KCNH7: variants seen among roughly 807,000 people sequenced by gnomAD.
The protein encoded by KCNH7 is voltage-gated inwardly rectifying potassium channel KCNH7.
A neutral mutation model predicts 120.8 loss-of-function variants in KCNH7; 49 were observed. That is an observed-to-expected ratio of 0.41 (90% CI 0.32 to 0.51). The LOEUF is 0.51. KCNH7 is among the 20% of genes least tolerant of loss of function. The pLI, the probability that KCNH7 is intolerant of heterozygous loss-of-function variation, is 0.38. For missense variants in KCNH7, 1,097 were observed against 1,446.6 expected (o/e 0.76, Z 3.92); for synonymous variants, 547 against 516.1 (o/e 1.06, Z -0.81).
rs977239678 is a variant in KCNH7, at chr2:162,829,913, A to G, written c.307+6624T>C. On this transcript the variant is annotated intron_variant, in intron 2 of 15. Transcript: ENST00000332142. Reference sequence around the variant, plus strand: ...TCTTCTCTTCATTCTTTAAGTAAATACTAACAGTGCACTCACTTCGTACTA... The same window carrying G: ...TCTTCTCTTCATTCTTTAAGTAAATGCTAACAGTGCACTCACTTCGTACTA... Among the ~76,000 whole-genome samples the G allele has an allele frequency of 8.0e-5, 12 of 150,112 alleles. 1 individual carries two copies. Among genetic ancestry groups the G allele is most frequent in the Admixed American group, 6.7e-4 (10 of 15,002 alleles).
At chr2:162,507,701 A>C (rs931108022) in intron 5 of KCNH7, among the ~76,000 whole-genome samples, 1 of 151,612 alleles carries the variant, frequency 6.6e-6, no homozygotes, top group Non-Finnish European at 1.5e-5. Context: ...TCATTTTGAC[A>C]CTACTATTAA....
intron 2 of KCNH7, among the ~76,000 whole-genome samples, chr2:162,667,022 T>G (rs895933077): frequency 8.3e-6 from 1 of 120,846 alleles, no homozygotes; most frequent in Non-Finnish European, 1.5e-5. Flanking sequence ...CTTTTTCTTT[T>G]TTTTTTTTTT....
At chr2:162,387,761 T>C (rs1016700096) in intron 12 of KCNH7, among the ~76,000 whole-genome samples, 1 of 151,790 alleles carries the variant, frequency 6.6e-6, no homozygotes, top group African/African-American at 2.4e-5. Flanking sequence ...GTTTAGAATG[T>C]ATTCAAGAGC....
At chr2:162,556,701 C>T (rs1310336915) in intron 2 of KCNH7, among the ~76,000 whole-genome samples, 1 of 152,154 alleles carries the variant, frequency 6.6e-6, no homozygotes, top group African/African-American at 2.4e-5. Context: ...AAAATCCTCA[C>T]ACAAATAGGT....
At chr2:162,586,907 C>T (rs373189448) in intron 2 of KCNH7, among the ~76,000 whole-genome samples, 18 of 152,082 alleles carry the variant, frequency 1.2e-4, no homozygotes, top group African/African-American at 4.1e-4. Flanking sequence ...CTTCTATCAT[C>T]GTCATGACCA....
At chr2:162,755,938 T>G (rs7584472) in intron 2 of KCNH7, among the ~76,000 whole-genome samples, 7,682 of 152,124 alleles carry the variant, frequency 0.05, 369 homozygotes, top group African/African-American at 0.13. Flanking sequence ...GTGGTTGAAT[T>G]AGGTATATTA....
intron 2 of KCNH7, among the ~76,000 whole-genome samples, chr2:162,587,273 A>G (rs747659675): frequency 6.6e-6 from 1 of 152,098 alleles, no homozygotes; most frequent in Non-Finnish European, 1.5e-5. Context: ...TTCAGATATT[A>G]TTTTTCTGGG....
chr2:162,422,711 TA>T (rs1378192842), intron 9 of KCNH7, among the ~76,000 whole-genome samples: 2 of 152,030 alleles, frequency 1.3e-5, no homozygotes, highest in African/African-American at 4.8e-5. Context: ...TGAATTTGCT[TA>T]AAAGTTGAAG....
chr2:162,505,105 C>T (rs1001648953), intron 5 of KCNH7, among the ~76,000 whole-genome samples: 4 of 151,816 alleles, frequency 2.6e-5, no homozygotes, highest in African/African-American at 9.7e-5. Context: ...TGTGTTACTC[C>T]CCTGTCTGTG....
intron 2 of KCNH7, among the ~76,000 whole-genome samples, chr2:162,634,340 G>A (rs987297041): frequency 6.6e-6 from 1 of 151,990 alleles, no homozygotes; most frequent in African/African-American, 2.4e-5. Context: ...GCAGGTCCTG[G>A]TAGAAGGGCA....
At chr2:162,385,511 A>G (rs1686546699) in intron 12 of KCNH7, among the ~76,000 whole-genome samples, 1 of 151,930 alleles carries the variant, frequency 6.6e-6, no homozygotes, top group South Asian at 2.1e-4. Context: ...TAAAGCTTAA[A>G]TACAGTAATT....
At chr2:162,410,533 A>G (rs1202982955) in intron 9 of KCNH7, among the ~76,000 whole-genome samples, 1 of 151,572 alleles carries the variant, frequency 6.6e-6, no homozygotes, top group Non-Finnish European at 1.5e-5. Flanking sequence ...CACCTCTTCA[A>G]CCTTGGCAAA....
intron 2 of KCNH7, among the ~76,000 whole-genome samples, chr2:162,811,039 C>T (rs1684715977): frequency 6.6e-6 from 1 of 151,928 alleles, no homozygotes; most frequent in Admixed American, 6.6e-5. Flanking sequence ...ACATAATGAG[C>T]CTTGAGATTT....
chr2:162,750,328 T>C (rs1226632755), intron 2 of KCNH7, among the ~76,000 whole-genome samples: 1 of 141,390 alleles, frequency 7.1e-6, no homozygotes, highest in Non-Finnish European at 1.5e-5. Flanking sequence ...AAGAAAAAAA[T>C]CATGGGAGCA....
At chr2:162,694,477 AGTGTGTGT>A (rs71009366) in intron 2 of KCNH7, among the ~76,000 whole-genome samples, 1 of 146,302 alleles carries the variant, frequency 6.8e-6, no homozygotes, top group African/African-American at 2.5e-5. Flanking sequence ...TGTGTGAAAG[AGTGTGTGT>A]GTGTGTGTGT....
At chr2:162,778,575 C>T (rs1380698498) in intron 2 of KCNH7, among the ~76,000 whole-genome samples, 1 of 152,134 alleles carries the variant, frequency 6.6e-6, no homozygotes, top group Non-Finnish European at 1.5e-5. Context: ...GAACCTGGCA[C>T]ACGGTAGATA....
intron 2 of KCNH7, among the ~76,000 whole-genome samples, chr2:162,716,049 C>T (rs1687111211): frequency 6.6e-6 from 1 of 151,388 alleles, no homozygotes; most frequent in Non-Finnish European, 1.5e-5. Flanking sequence ...TTTTATTATT[C>T]CTTACTTTTC....
intron 3 of KCNH7, among the ~76,000 whole-genome samples, chr2:162,522,867 A>T (rs976932696): frequency 8.6e-5 from 13 of 151,850 alleles, no homozygotes; most frequent in African/African-American, 2.9e-4. Flanking sequence ...GTTATAATTA[A>T]CTACTACTAT....
In KCNH7 at chr2:162,535,100, C is replaced by T. The variant is rs536911816; in HGVS notation, c.463+1825G>A. The stretch of plus-strand genomic sequence containing the variant: ...GAAACTTTCTTAGAATAATAAAGCA[C>T]ATACAACTCAACTCACATGTCATTA... On this transcript the variant is annotated intron_variant, in intron 3 of 15. Coordinates refer to ENST00000332142, the MANE Select transcript of KCNH7 (RefSeq NM_033272.4). 3.3e-5 allele frequency among the ~76,000 whole-genome samples: 5 copies of T among 151,744 alleles called. No individual in the cohort carries two copies. The South Asian group carries it at 1.0e-3, about 31-fold the overall frequency.
Sources: allele counts gnomAD v4.1 joint callset (sites outside exome capture counted in the v4.1 genomes callset), GRCh38; gene constraint gnomAD v4.1.1; transcripts MANE v1.5; gene names NCBI Gene and HGNC (gene_info 2026-07-23, HGNC 2026-07-21).